The following SLC39A11 variants were observed in gnomAD, a reference collection of about 807,000 sequenced individuals.
The protein encoded by SLC39A11 is solute carrier family 39 member 11, also known as zinc transporter ZIP11.
A neutral mutation model predicts 36.1 loss-of-function variants in SLC39A11; 33 were observed. The ratio of observed to expected loss-of-function variants is 0.91; its 90% CI spans 0.69 to 1.22. The LOEUF (loss-of-function observed/expected upper bound fraction) is 1.22, where lower values mean the gene tolerates loss of function less well. Ranked by LOEUF, SLC39A11 falls within the 50% of genes most tolerant of loss-of-function variation. The pLI is 0.00. For missense variants in SLC39A11, 432 were observed against 430.3 expected, an observed-to-expected ratio of 1.00 and a Z score of -0.03; for synonymous variants, 166 against 170.3, an observed-to-expected ratio of 0.97 and a Z score of 0.20.
At chr17:72,948,004 G>C in intron 4 of SLC39A11, 129 bp from the exon 5 acceptor site, 1 of 1,193,448 alleles carries the variant, frequency 8.4e-7, no homozygotes, top group Non-Finnish European at 1.2e-6. Context: ...CCAGTCCTCC[G>C]GCCAACCCAG....
chr17:72,829,617 AG>A (rs750788486), intron 6 of SLC39A11, among the ~76,000 whole-genome samples: 5 of 152,194 alleles, frequency 3.3e-5, no homozygotes, highest in Non-Finnish European at 7.3e-5. Flanking sequence ...ACATGCTCAA[AG>A]GGCCAACCAA....
chr17:72,835,406 G>C (rs1207355100), intron 6 of SLC39A11, among the ~76,000 whole-genome samples: 7 of 152,182 alleles, frequency 4.6e-5, no homozygotes, highest in Admixed American at 3.9e-4. Flanking sequence ...GGGAAGAGGA[G>C]GAGGTGGAGG....
chr17:72,943,537 C>T (rs1001324136), intron 5 of SLC39A11, among the ~76,000 whole-genome samples: 11 of 152,126 alleles, frequency 7.2e-5, no homozygotes, highest in Non-Finnish European at 1.5e-4. Flanking sequence ...ACCTGAGTGT[C>T]GTACGGCTTA....
intron 5 of SLC39A11, among the ~76,000 whole-genome samples, chr17:72,936,411 T>TAAAAAAAAAAAAAAAAA (rs746428868): frequency 1.4e-5 from 1 of 73,448 alleles, no homozygotes; most frequent in African/African-American, 5.0e-5. Context: ...TGAAAAAAAG[T>TAAAAAAAAAAAAAAAAA]AAAAAAAAAA....
chr17:73,018,905 C>G (rs1343117282), intron 4 of SLC39A11, among the ~76,000 whole-genome samples: 1 of 151,496 alleles, frequency 6.6e-6, no homozygotes. Flanking sequence ...ATAACAGAGT[C>G]AAAATGCTAA....
chr17:73,062,514 T>C (rs903137151), intron 3 of SLC39A11, among the ~76,000 whole-genome samples: 1 of 148,346 alleles, frequency 6.7e-6, no homozygotes, highest in East Asian at 2.0e-4. Flanking sequence ...TGATAGGCCA[T>C]TTGAACATCT....
intron 6 of SLC39A11, among the ~76,000 whole-genome samples, chr17:72,790,903 G>A (rs1385006394): frequency 6.6e-6 from 1 of 152,180 alleles, no homozygotes; most frequent in Admixed American, 6.5e-5. Context: ...GCAGAAGGAA[G>A]AAGGAAAGCT....
intron 7 of SLC39A11, among the ~76,000 whole-genome samples, chr17:72,730,064 C>T (rs757554192): frequency 4.3e-4 from 65 of 152,282 alleles, no homozygotes; most frequent in Non-Finnish European, 8.5e-4. Flanking sequence ...GGAACCCTCA[C>T]GTGGCTTGAA....
chr17:72,649,006 C>T (rs2069721189), intron 8 of SLC39A11, 45 bp from the exon 9 acceptor site: 2 of 1,587,538 alleles, frequency 1.3e-6, no homozygotes, highest in South Asian at 2.3e-5. Context: ...GGGAGGCAAG[C>T]AGACACTCCA....
intron 5 of SLC39A11, among the ~76,000 whole-genome samples, chr17:72,876,331 A>C (rs1383499247): frequency 6.6e-6 from 1 of 152,224 alleles, no homozygotes; most frequent in Non-Finnish European, 1.5e-5. Flanking sequence ...CCCAAAGCCA[A>C]AGTCAAGTAC....
chr17:72,805,260 A>G (rs1055559717), intron 6 of SLC39A11, among the ~76,000 whole-genome samples: 3 of 151,966 alleles, frequency 2.0e-5, no homozygotes, highest in Non-Finnish European at 4.4e-5. Flanking sequence ...CTTCCATCCT[A>G]TGTAATCCTG....
In SLC39A11 at chr17:72,736,681, T is replaced by C; in HGVS notation, c.640A>G (p.Lys214Glu). The change falls in exon 7 of 10, where the codon AAG becomes GAG. Residue 214 changes from lysine (K) to glutamate (E), a missense_variant. Lys to Glu is a moderately conservative substitution (Grantham distance 56). Coordinates refer to ENST00000255559, the MANE Select transcript of SLC39A11 (RefSeq NM_139177.4). ...AVGVGFGAIE[K>E]TASATFESAR... ...CTCTCAAAGGTAGCAGATGCCGTCT[T>C]TTCTATAGCCCCAAATCCAACTCCA... is the stretch of plus-strand genomic sequence containing the variant. The C allele has an allele frequency of 1.2e-6, 2 of 1,614,006 alleles. No individual in the cohort carries two copies. The highest frequency in any genetic ancestry group is 1.7e-6 in the Non-Finnish European group (2 of 1,179,964).
chr17:72,786,960 C>T (rs1204152867), intron 6 of SLC39A11, among the ~76,000 whole-genome samples: 1 of 152,066 alleles, frequency 6.6e-6, no homozygotes, highest in African/African-American at 2.4e-5. Context: ...GCTGGGATTA[C>T]AGGCACCCGC....
At chr17:72,649,082 T>A (rs1321239778) in intron 8 of SLC39A11, 88 bp downstream of exon 8, 1 of 1,547,764 alleles carries the variant, frequency 6.5e-7, no homozygotes, top group East Asian at 2.3e-5. Context: ...TATCTGAGCA[T>A]GGCAGTGCAA....
chr17:72,940,567 C>G (rs1012303490), intron 5 of SLC39A11, among the ~76,000 whole-genome samples: 5 of 152,240 alleles, frequency 3.3e-5, no homozygotes, highest in African/African-American at 1.2e-4. Flanking sequence ...TGAGCCACTG[C>G]GCCCGGCCCT....
chr17:72,648,272 G>C (rs916716795), intron 9 of SLC39A11, among the ~76,000 whole-genome samples: 4 of 149,170 alleles, frequency 2.7e-5, no homozygotes, highest in African/African-American at 9.9e-5. Flanking sequence ...GGAGGTTGCA[G>C]TGAGCCGAGA....
Position 72,952,186 on chromosome 17 carries a change from G to A in SLC39A11, c.307-4311C>T, listed in dbSNP as rs997713963. 3.9e-5 allele frequency among the ~76,000 whole-genome samples: 6 copies of A among 152,140 alleles called. No individual in the cohort carries two copies. The East Asian group carries it at 5.8e-4, about 15-fold the overall frequency. On this transcript the variant is annotated intron_variant, in intron 4 of 9. Transcript: ENST00000255559. ...GAGTAATGCCAAGGACAGCTCCTTC[G>A]CTATCTCCATACCTGGCAAAACCTC...
chr17:72,648,330 TA>T (rs10715471), intron 9 of SLC39A11, among the ~76,000 whole-genome samples: 81,477 of 125,988 alleles, frequency 0.65, 25,790 homozygotes, highest in African/African-American at 0.69. Context: ...ACTCTGCCAT[TA>T]AAAAAAAAAA....
chr17:72,719,577 T>C (rs980930546), intron 7 of SLC39A11, among the ~76,000 whole-genome samples: 2 of 152,270 alleles, frequency 1.3e-5, no homozygotes, highest in Non-Finnish European at 1.5e-5. Flanking sequence ...AAGTCGCTTG[T>C]AACAAGCTGT....
Sources: allele counts gnomAD v4.1 joint callset (sites outside exome capture counted in the v4.1 genomes callset), GRCh38; gene constraint gnomAD v4.1.1; transcripts MANE v1.5; gene names NCBI Gene and HGNC (gene_info 2026-07-23, HGNC 2026-07-21).